The following SGCD variants were observed in gnomAD, a reference collection of about 807,000 sequenced individuals.
The protein encoded by SGCD is sarcoglycan delta.
SGCD carries 18 observed loss-of-function variants against 36.6 expected under a neutral mutation model. That is an observed-to-expected ratio of 0.49 (90% CI 0.34 to 0.73). The LOEUF is 0.73. Among genes scored for constraint, SGCD ranks in the 30% least tolerant of loss-of-function variants. SGCD has a pLI of 0.01. For synonymous variants in SGCD, 133 were observed against 130.6 expected, an observed-to-expected ratio of 1.02 and a Z score of -0.12; for missense variants, 387 against 346.7, an observed-to-expected ratio of 1.12 and a Z score of -0.92.
chr5:156,502,423 A>G (rs1192424053), intron 3 of SGCD, among the ~76,000 whole-genome samples: 3 of 151,664 alleles, frequency 2.0e-5, no homozygotes, highest in Non-Finnish European at 4.4e-5. Flanking sequence ...ATAGCTCACA[A>G]TCCTGGGCTC....
At chr5:155,728,177 C>T in the SGCD span, among the ~76,000 whole-genome samples, 1 of 152,054 alleles carries the variant, frequency 6.6e-6, no homozygotes, top group Non-Finnish European at 1.5e-5. Flanking sequence ...TCCCCGCCGC[C>T]CCCACCCGCG....
chr5:156,229,241 T>C (rs1242832458), intron 3 of SGCD, among the ~76,000 whole-genome samples: 27 of 95,704 alleles, frequency 2.8e-4, no homozygotes, highest in Middle Eastern at 5.0e-3. Context: ...TATACATACA[T>C]ATATATATAT....
intron 3 of SGCD, among the ~76,000 whole-genome samples, chr5:156,150,745 C>T (rs1762814026): frequency 6.6e-6 from 1 of 151,646 alleles, no homozygotes; most frequent in African/African-American, 2.4e-5. Flanking sequence ...GGAGGCAGTT[C>T]TACGCGGTGA....
intron 3 of SGCD, among the ~76,000 whole-genome samples, chr5:156,455,322 T>C (rs537926263): frequency 5.3e-5 from 8 of 152,310 alleles, no homozygotes; most frequent in South Asian, 2.1e-4. Flanking sequence ...TTCCTACTCA[T>C]GTCTGCATTC....
At chr5:155,755,099 T>C in the SGCD span, among the ~76,000 whole-genome samples, 2 of 152,218 alleles carry the variant, frequency 1.3e-5, no homozygotes, top group Non-Finnish European at 2.9e-5. Flanking sequence ...GAGGCCCTGA[T>C]GCTACATTTT....
chr5:156,297,715 C>T (rs984558687), intron 3 of SGCD, among the ~76,000 whole-genome samples: 12 of 151,670 alleles, frequency 7.9e-5, no homozygotes, highest in African/African-American at 2.9e-4. Context: ...TGCAGTGCAC[C>T]AGCATGGCAC....
chr5:156,356,381 G>T (rs1300683380), intron 3 of SGCD, among the ~76,000 whole-genome samples: 1 of 152,166 alleles, frequency 6.6e-6, no homozygotes, highest in Admixed American at 6.5e-5. Context: ...ACCTCAGCTG[G>T]CCAGAACGCC....
At chr5:156,058,400 C>T (rs1338252246) in intron 1 of SGCD, among the ~76,000 whole-genome samples, 1 of 146,214 alleles carries the variant, frequency 6.8e-6, no homozygotes, top group Non-Finnish European at 1.5e-5. Context: ...GATCCTTAAA[C>T]TTTATTTAAT....
At chr5:156,184,374 T>TTTTG (rs1763683348) in intron 3 of SGCD, among the ~76,000 whole-genome samples, 1 of 151,650 alleles carries the variant, frequency 6.6e-6, no homozygotes, top group African/African-American at 2.4e-5. Flanking sequence ...GCAGCCAGTT[T>TTTTG]TTTTTTTTTT....
chr5:156,435,115 G>A (rs1361418648), intron 3 of SGCD, among the ~76,000 whole-genome samples: 1 of 152,194 alleles, frequency 6.6e-6, no homozygotes, highest in Non-Finnish European at 1.5e-5. Flanking sequence ...ATTAATTCCT[G>A]TAGAAATGTT....
chr5:156,552,630 G>C (rs1258913100), intron 4 of SGCD, among the ~76,000 whole-genome samples: 1 of 152,000 alleles, frequency 6.6e-6, no homozygotes, highest in Admixed American at 6.6e-5. Context: ...CAAGAATAAG[G>C]GTCAGCTCAT....
At chr5:156,560,909 C>T (rs544275676) in intron 4 of SGCD, among the ~76,000 whole-genome samples, 40 of 152,100 alleles carry the variant, frequency 2.6e-4, no homozygotes, top group South Asian at 1.2e-3. Flanking sequence ...TAACTATTGA[C>T]GACATTATTA....
intron 1 of SGCD, among the ~76,000 whole-genome samples, chr5:155,888,630 G>T (rs1302320675): frequency 6.6e-6 from 1 of 152,110 alleles, no homozygotes; most frequent in African/African-American, 2.4e-5. Flanking sequence ...AACTGGGGGA[G>T]GGGGAGGACT....
chr5:156,402,769 C>A (rs1327419260), intron 3 of SGCD, among the ~76,000 whole-genome samples: 1 of 152,096 alleles, frequency 6.6e-6, no homozygotes, highest in Non-Finnish European at 1.5e-5. Context: ...AGGGGAAAGT[C>A]CCCACTGAAG....
chr5:156,655,240 C>G (rs1763626698), intron 7 of SGCD, among the ~76,000 whole-genome samples: 1 of 152,164 alleles, frequency 6.6e-6, no homozygotes. Context: ...AAAATTACAT[C>G]TATTTCAAAA....
chr5:156,375,172 G>A (rs958413466), intron 3 of SGCD, among the ~76,000 whole-genome samples: 3 of 151,734 alleles, frequency 2.0e-5, no homozygotes, highest in Non-Finnish European at 2.9e-5. Context: ...CTCTCCTTCC[G>A]ATTTTTTCCG....
At chr5:156,043,952 T>A (rs1759700457) in intron 1 of SGCD, among the ~76,000 whole-genome samples, 1 of 152,078 alleles carries the variant, frequency 6.6e-6, no homozygotes, top group Non-Finnish European at 1.5e-5. Flanking sequence ...AAACCGAGAA[T>A]TTTTTTAAAA....
At chr5:156,289,343 T>C (rs1230525051) in intron 3 of SGCD, among the ~76,000 whole-genome samples, 3 of 152,144 alleles carry the variant, frequency 2.0e-5, no homozygotes, top group Non-Finnish European at 2.9e-5. Context: ...ACGTGCAGAA[T>C]GTGCAGGTTT....
chr5:155,753,311 T>TG, the SGCD span, among the ~76,000 whole-genome samples: 5,711 of 144,800 alleles, frequency 0.039, 514 homozygotes, highest in African/African-American at 0.15. Context: ...CACTCCAGCC[T>TG]GGTGACAGAG....
Sources: gnomAD v4.1 joint callset for allele counts (sites outside exome capture counted in the v4.1 genomes callset) on GRCh38, gnomAD v4.1.1 for gene constraint, MANE v1.5 for transcripts, NCBI Gene and HGNC (gene_info 2026-07-23, HGNC 2026-07-21) for gene names.